Variants in ANKRD44 observed in about 807,000 individuals in gnomAD.
ANKRD44 encodes ankyrin repeat domain 44, also known as serine/threonine-protein phosphatase 6 regulatory ankyrin repeat subunit B.
Under a neutral mutation model 116.0 loss-of-function variants are expected in ANKRD44, and 35 were observed. The ratio of observed to expected loss-of-function variants is 0.30; its 90% CI spans 0.23 to 0.40. The LOEUF (loss-of-function observed/expected upper bound fraction) is 0.40, where lower values mean the gene tolerates loss of function less well. Ranked by LOEUF, ANKRD44 falls within the 10% of genes least tolerant of loss-of-function variation. ANKRD44 has a pLI of 1.00. For missense variants in ANKRD44, 1,014 were observed against 1,242.6 expected (o/e 0.82, Z 2.77); for synonymous variants, 435 against 461.8 (o/e 0.94, Z 0.74).
chr2:196,987,553 C>G lies in ANKRD44; in HGVS notation c.*2038G>C, dbSNP rs2075851878. 1.3e-5 allele frequency: 13 copies of G among 985,304 alleles called. No homozygotes were observed. The highest frequency in any genetic ancestry group is 1.6e-5 in the Non-Finnish European group (13 of 829,912). 61.0% of individuals were successfully genotyped at this position (985,304 alleles called of 1,614,324 possible). A position where few individuals can be genotyped will look rare whatever the true frequency, so the allele number is the denominator to read the frequency against. On this transcript the variant is annotated 3_prime_UTR_variant, in exon 28 of 28. Coordinates refer to ENST00000282272, the MANE Select transcript of ANKRD44 (RefSeq NM_001195144.2). ...AGCAAATCCATTTGATGTTCTTGTT[C>G]TAATTTAATAACAAAATGATAAACC...
intron 21 of ANKRD44, among the ~76,000 whole-genome samples, chr2:196,980,646 T>G (rs1296637063): frequency 6.6e-6 from 1 of 152,268 alleles, no homozygotes; most frequent in East Asian, 1.9e-4. Context: ...ACTCTCCTTT[T>G]GTTCATTCTG....
intron 3 of ANKRD44, among the ~76,000 whole-genome samples, chr2:197,145,553 G>A (rs1373754665): frequency 2.0e-5 from 3 of 152,140 alleles, no homozygotes; most frequent in African/African-American, 7.2e-5. Flanking sequence ...TGGAAGAAAG[G>A]CCTATTCTCA....
chr2:197,099,382 A>C, intron 10 of ANKRD44: 1 of 369,280 alleles, frequency 2.7e-6, no homozygotes, highest in Non-Finnish European at 3.8e-6. Context: ...GAAGTTCAAA[A>C]TGAAGTCAGG....
chr2:197,027,472 G>A (rs1194336883), intron 16 of ANKRD44, among the ~76,000 whole-genome samples: 1 of 152,148 alleles, frequency 6.6e-6, no homozygotes, highest in East Asian at 1.9e-4. Context: ...AAGAAGAGAC[G>A]GGGTCCCAGG....
At chr2:197,184,364 G>A (rs1050340353) in intron 2 of ANKRD44, among the ~76,000 whole-genome samples, 24 of 152,090 alleles carry the variant, frequency 1.6e-4, no homozygotes, top group Non-Finnish European at 1.5e-5. Flanking sequence ...CATGGTGGCC[G>A]GGCGCAGTAG....
At chr2:197,260,540 C>T (rs2082573955) in intron 1 of ANKRD44, among the ~76,000 whole-genome samples, 1 of 152,086 alleles carries the variant, frequency 6.6e-6, no homozygotes, top group African/African-American at 2.4e-5. Flanking sequence ...CCGCTATAAA[C>T]ATACGTGTGC....
At chr2:197,118,124 G>A (rs191660607) in intron 8 of ANKRD44, among the ~76,000 whole-genome samples, 45 of 151,414 alleles carry the variant, frequency 3.0e-4, no homozygotes, top group African/African-American at 1.1e-3. Context: ...GAGGCCAGAG[G>A]ATGGCTTGAG....
intron 1 of ANKRD44, among the ~76,000 whole-genome samples, chr2:197,280,670 T>A (rs2083238147): frequency 6.6e-6 from 1 of 152,196 alleles, no homozygotes. Context: ...GACTAGGGAT[T>A]GTACTACTGA....
intron 26 of ANKRD44, chr2:196,995,046 T>C (rs577187082): frequency 1.1e-4 from 19 of 173,858 alleles, no homozygotes; most frequent in Middle Eastern, 4.8e-3. Context: ...TGCTAATACA[T>C]AATACAAATA....
At chr2:197,030,615 GC>G (rs1406321282) in intron 16 of ANKRD44, among the ~76,000 whole-genome samples, 2 of 152,160 alleles carry the variant, frequency 1.3e-5, no homozygotes, top group Non-Finnish European at 2.9e-5. Flanking sequence ...GGCAGAGGCA[GC>G]CCCCTGACAG....
intron 12 of ANKRD44, among the ~76,000 whole-genome samples, chr2:197,088,469 A>AAAAGAAAAG (rs56313310): frequency 0.13 from 19,077 of 152,144 alleles, 1,388 homozygotes; most frequent in Non-Finnish European, 0.17. Flanking sequence ...ATAATTTAAA[A>AAAAGAAAAG]AAAGAAAAGA....
At chr2:197,237,502 T>A (rs931664577) in intron 1 of ANKRD44, among the ~76,000 whole-genome samples, 1 of 152,234 alleles carries the variant, frequency 6.6e-6, no homozygotes, top group African/African-American at 2.4e-5. Flanking sequence ...CATGTGCTCA[T>A]TAAAAATATT....
At position 197,032,917 on chromosome 2, in the gene ANKRD44, T is replaced by C. The variant is rs1198741600; in HGVS notation, c.1651-7650A>G. Among the ~76,000 whole-genome samples, 4 of 152,334 alleles carry C rather than the reference T, an allele frequency of 2.6e-5. No homozygotes were observed. The East Asian group carries it at 7.7e-4, about 29-fold the overall frequency. On this transcript the variant is annotated intron_variant, in intron 16 of 27. Transcript: ENST00000282272. Reference sequence around the variant, plus strand: ...GCTTTAGTAATGGAGTGAATGGTGATGCCTTCTTCATAAGAAACAAAGAGA... The same window carrying C: ...GCTTTAGTAATGGAGTGAATGGTGACGCCTTCTTCATAAGAAACAAAGAGA...
chr2:197,118,512 C>T (rs903436885), intron 8 of ANKRD44, among the ~76,000 whole-genome samples: 1 of 151,950 alleles, frequency 6.6e-6, no homozygotes, highest in African/African-American at 2.4e-5. Flanking sequence ...ATCACTTGAA[C>T]TCAGGAGGCA....
Position 197,112,602 on chromosome 2 carries a change from G to A in ANKRD44, c.907-1758C>T, listed in dbSNP as rs555910150. Among the ~76,000 whole-genome samples the A allele has an allele frequency of 1.2e-4, 19 of 152,056 alleles. No individual in the cohort carries two copies. In the East Asian group the frequency reaches 3.5e-3, roughly 28 times the overall value. On this transcript the variant is annotated intron_variant, in intron 8 of 27. Coordinates refer to ENST00000282272, the MANE Select transcript of ANKRD44 (RefSeq NM_001195144.2). Reference sequence around the variant, plus strand: ...CGGGGCCTGTAGTCCTAGCTGCTTGGGAGGCTGAGGCAGGAGAATGGCGTG... The same window carrying A: ...CGGGGCCTGTAGTCCTAGCTGCTTGAGAGGCTGAGGCAGGAGAATGGCGTG...
chr2:197,194,811 A>T (rs2080909011), intron 1 of ANKRD44, among the ~76,000 whole-genome samples: 1 of 152,252 alleles, frequency 6.6e-6, no homozygotes, highest in South Asian at 2.1e-4. Flanking sequence ...CAAAAGACAG[A>T]AAACAAAGGG....
chr2:197,122,648 A>ACCT lies in ANKRD44; in HGVS notation c.692_693+1dup, dbSNP rs771546732. 1 of 1,613,156 alleles carries ACCT rather than the reference A, an allele frequency of 6.2e-7. No individual in the cohort carries two copies. The highest frequency in any genetic ancestry group is 1.7e-5 in the Admixed American group (1 of 59,808). On this transcript the variant is annotated splice_donor_variant, in intron 7 of 27. Transcript: ENST00000282272. LOFTEE classifies it high-confidence loss of function. ...TGCATTGATGCATTCATCATAGCTC[A>ACCT]CCTCCACCCCCAGGTTCAGGAGATG...
chr2:197,093,372 C>G (rs941110199), intron 10 of ANKRD44, among the ~76,000 whole-genome samples: 5 of 152,022 alleles, frequency 3.3e-5, no homozygotes, highest in Non-Finnish European at 7.4e-5. Context: ...CACTTAAAAC[C>G]CATCTTTGTA....
intron 1 of ANKRD44, among the ~76,000 whole-genome samples, chr2:197,266,616 T>A (rs888350910): frequency 6.6e-6 from 1 of 151,092 alleles, no homozygotes; most frequent in Non-Finnish European, 1.5e-5. Flanking sequence ...AATCATCTAG[T>A]ATGGGCATGC....
Sources: gnomAD v4.1 joint callset for allele counts (sites outside exome capture counted in the v4.1 genomes callset) on GRCh38, gnomAD v4.1.1 for gene constraint, MANE v1.5 for transcripts, NCBI Gene and HGNC (gene_info 2026-07-23, HGNC 2026-07-21) for gene names.